Variants in NCKAP5 observed in about 807,000 individuals in gnomAD.
NCKAP5 encodes NCK associated protein 5, also known as nck-associated protein 5.
A neutral mutation model predicts 167.0 loss-of-function variants in NCKAP5; 92 were observed. The observed-to-expected ratio is 0.55, with a 90% CI of 0.47 to 0.66. The LOEUF is 0.66. Ranked by LOEUF, NCKAP5 falls within the 30% of genes least tolerant of loss-of-function variation. NCKAP5 has a pLI of 0.00. For synonymous variants in NCKAP5, 891 were observed against 877.4 expected (o/e 1.02, Z -0.27); for missense variants, 2,378 against 2,315.0 (o/e 1.03, Z -0.56).
intron 3 of NCKAP5, among the ~76,000 whole-genome samples, chr2:133,333,057 C>T (rs746948082): frequency 3.3e-5 from 5 of 152,352 alleles, no homozygotes; most frequent in Non-Finnish European, 5.9e-5. Flanking sequence ...AATTATGAAT[C>T]TAAAACGTGC....
intron 12 of NCKAP5, among the ~76,000 whole-genome samples, chr2:132,794,298 AGAGAGAGAGGGT>A (rs1171433798): frequency 1.7e-4 from 20 of 119,990 alleles, no homozygotes; most frequent in African/African-American, 6.0e-4. Flanking sequence ...AGAGAGAGAG[AGAGAGAGAGGGT>A]GGCGGGAAGA....
intron 16 of NCKAP5, among the ~76,000 whole-genome samples, chr2:132,740,964 A>C (rs1463806829): frequency 6.6e-6 from 1 of 152,126 alleles, no homozygotes; most frequent in Admixed American, 6.6e-5. Context: ...CAGTGACTCC[A>C]ATATTCTTTG....
intron 6 of NCKAP5, among the ~76,000 whole-genome samples, chr2:133,092,878 T>C (rs2081231977): frequency 6.6e-6 from 1 of 152,176 alleles, no homozygotes; most frequent in Non-Finnish European, 1.5e-5. Context: ...TAGAGGAATA[T>C]AGGGGTTCAA....
At chr2:132,836,318 A>G (rs1687881201) in intron 11 of NCKAP5, among the ~76,000 whole-genome samples, 1 of 152,166 alleles carries the variant, frequency 6.6e-6, no homozygotes, top group South Asian at 2.1e-4. Context: ...ACTCATAGCA[A>G]CTACAGCATT....
intron 8 of NCKAP5, among the ~76,000 whole-genome samples, chr2:132,916,604 A>G (rs1239079000): frequency 1.3e-5 from 2 of 152,090 alleles, no homozygotes; most frequent in Admixed American, 6.6e-5. Context: ...GTGGTTTTCC[A>G]TCTTTCTATT....
intron 8 of NCKAP5, among the ~76,000 whole-genome samples, chr2:132,924,559 A>T (rs1001301020): frequency 6.6e-6 from 1 of 152,242 alleles, no homozygotes; most frequent in African/African-American, 2.4e-5. Context: ...AAATTACATG[A>T]CATATTCTCT....
chr2:133,644,606 C>T, the NCKAP5 span, among the ~76,000 whole-genome samples: 1 of 152,132 alleles, frequency 6.6e-6, no homozygotes, highest in African/African-American at 2.4e-5. Flanking sequence ...GCATATATTT[C>T]TCATATTACA....
chr2:133,211,155 T>C (rs907383281), intron 5 of NCKAP5, among the ~76,000 whole-genome samples: 1 of 151,870 alleles, frequency 6.6e-6, no homozygotes, highest in African/African-American at 2.4e-5. Context: ...GACATCCCCA[T>C]GGTAAAAACT....
intron 2 of NCKAP5, among the ~76,000 whole-genome samples, chr2:133,553,726 C>T (rs767397237): frequency 1.3e-4 from 20 of 151,996 alleles, no homozygotes; most frequent in Admixed American, 3.9e-4. Context: ...TTGCTCAACC[C>T]GCTCAATTTT....
chr2:133,450,258 A>C (rs1691467971), intron 3 of NCKAP5, among the ~76,000 whole-genome samples: 1 of 152,132 alleles, frequency 6.6e-6, no homozygotes, highest in Admixed American at 6.5e-5. Context: ...TCCCTCAGGT[A>C]ATGTCAACTT....
At chr2:133,539,981 C>T (rs1217870879) in intron 2 of NCKAP5, among the ~76,000 whole-genome samples, 2 of 152,122 alleles carry the variant, frequency 1.3e-5, no homozygotes, top group African/African-American at 4.8e-5. Flanking sequence ...GAGATCGAGA[C>T]CATCCTGGCT....
At chr2:132,988,246 C>T (rs72614501) in intron 7 of NCKAP5, among the ~76,000 whole-genome samples, 5,160 of 152,056 alleles carry the variant, frequency 0.034, 181 homozygotes, top group East Asian at 0.22. Flanking sequence ...GGGCAGATCA[C>T]GAGGTCAGGA....
chr2:133,485,680 G>C (rs922223763), intron 3 of NCKAP5, among the ~76,000 whole-genome samples: 4 of 152,070 alleles, frequency 2.6e-5, no homozygotes, highest in Non-Finnish European at 5.9e-5. Flanking sequence ...CCAAGTGTGT[G>C]TTGGTTACAA....
chr2:132,728,074 T>C (rs578124312), intron 18 of NCKAP5, among the ~76,000 whole-genome samples: 1 of 152,292 alleles, frequency 6.6e-6, no homozygotes, highest in Non-Finnish European at 1.5e-5. Flanking sequence ...AAATGAACCA[T>C]GTGTCTTCCT....
intron 5 of NCKAP5, among the ~76,000 whole-genome samples, chr2:133,156,182 C>T (rs950938428): frequency 6.6e-6 from 1 of 152,194 alleles, no homozygotes; most frequent in Admixed American, 6.5e-5. Flanking sequence ...TGGTACAATG[C>T]ACCTTAAATT....
intron 3 of NCKAP5, among the ~76,000 whole-genome samples, chr2:133,416,656 C>CA (rs551476353): frequency 0.027 from 3,384 of 127,380 alleles, 104 homozygotes; most frequent in African/African-American, 0.084. Context: ...TGGCATTATG[C>CA]AAAAAAAAAA....
chr2:132,825,157 A>G (rs1040224281), intron 11 of NCKAP5, among the ~76,000 whole-genome samples: 1 of 152,232 alleles, frequency 6.6e-6, no homozygotes, highest in Non-Finnish European at 1.5e-5. Context: ...ACTTTAATTC[A>G]TAATGTTACA....
intron 16 of NCKAP5, among the ~76,000 whole-genome samples, chr2:132,756,289 G>C (rs778946257): frequency 6.6e-6 from 1 of 152,146 alleles, no homozygotes; most frequent in Non-Finnish European, 1.5e-5. Flanking sequence ...TCCCCACAGA[G>C]CCTTAGGAAA....
intron 6 of NCKAP5, among the ~76,000 whole-genome samples, chr2:133,045,130 T>G (rs2079350415): frequency 6.6e-6 from 1 of 151,450 alleles, no homozygotes; most frequent in Non-Finnish European, 1.5e-5. Context: ...AGAAAGATCT[T>G]AGCAGCACTG....
Sources: gnomAD v4.1 joint callset for allele counts (sites outside exome capture counted in the v4.1 genomes callset) on GRCh38, gnomAD v4.1.1 for gene constraint, MANE v1.5 for transcripts, NCBI Gene and HGNC (gene_info 2026-07-23, HGNC 2026-07-21) for gene names.